Variants in TMEM65 observed in about 807,000 individuals in gnomAD.
TMEM65 encodes the protein transmembrane protein 65.
In TMEM65, 22 loss-of-function variants were observed where a neutral mutation model predicts 25.4. The observed-to-expected ratio is 0.86, with a 90% CI of 0.62 to 1.23. The LOEUF is 1.23. Ranked by LOEUF, TMEM65 falls within the 50% of genes most tolerant of loss-of-function variation. The pLI is 0.00. For synonymous variants in TMEM65, 132 were observed against 126.2 expected, an observed-to-expected ratio of 1.05 and a Z score of -0.31; for missense variants, 262 against 308.2, an observed-to-expected ratio of 0.85 and a Z score of 1.12.
At chr8:124,334,589 C>T (rs1019695337) in intron 1 of TMEM65, among the ~76,000 whole-genome samples, 3 of 151,112 alleles carry the variant, frequency 2.0e-5, no homozygotes, top group African/African-American at 7.3e-5. Context: ...CATGGTGAAA[C>T]CCCATCTGTA....
chr8:124,322,556 G>A (rs968303236), intron 4 of TMEM65, among the ~76,000 whole-genome samples: 1 of 151,904 alleles, frequency 6.6e-6, no homozygotes, highest in Non-Finnish European at 1.5e-5. Context: ...ATACAACATA[G>A]AACTCTTCCC....
intron 6 of TMEM65, among the ~76,000 whole-genome samples, chr8:124,315,482 C>T (rs910590012): frequency 4.0e-5 from 6 of 151,858 alleles, no homozygotes; most frequent in Non-Finnish European, 7.4e-5. Flanking sequence ...CCACCACGCC[C>T]GGCTAATTTT....
At chr8:124,343,745 T>G (rs1159462423) in intron 1 of TMEM65, among the ~76,000 whole-genome samples, 2 of 152,184 alleles carry the variant, frequency 1.3e-5, no homozygotes, top group Non-Finnish European at 2.9e-5. Context: ...CTATGAAACC[T>G]GTGCCTCTTT....
intron 1 of TMEM65, among the ~76,000 whole-genome samples, chr8:124,336,538 T>C (rs556881663): frequency 1.1e-4 from 16 of 152,054 alleles, no homozygotes; most frequent in African/African-American, 2.9e-4. Context: ...ATAAGATATA[T>C]GACAAAACAA....
At position 124,372,255 on chromosome 8, in the gene TMEM65, G is replaced by A; in HGVS notation, c.-98C>T. ...GCTGGGCTCAGCTCGACCCCGCCCC[G>A]AGGTCCTCCTGCCAGGCAGCCGAGG... On this transcript the variant is annotated 5_prime_UTR_variant, in exon 1 of 7. Coordinates refer to ENST00000297632, the MANE Select transcript of TMEM65 (RefSeq NM_194291.3). 8.9e-7 allele frequency: 1 copy of A among 1,120,252 alleles called. No individual in the cohort carries two copies. Among genetic ancestry groups the A allele is most frequent in the Non-Finnish European group, 1.1e-6 (1 of 904,918 alleles). 69.4% of individuals were successfully genotyped at this position (1,120,252 alleles called of 1,614,324 possible).
intron 1 of TMEM65, among the ~76,000 whole-genome samples, chr8:124,333,475 G>A (rs1159718332): frequency 7.7e-6 from 1 of 130,544 alleles, no homozygotes; most frequent in South Asian, 2.4e-4. Flanking sequence ...GTGTGCGTGT[G>A]TGTGTGTGTG....
chr8:124,347,390 T>C (rs1814651830), intron 1 of TMEM65, among the ~76,000 whole-genome samples: 1 of 152,204 alleles, frequency 6.6e-6, no homozygotes, highest in Non-Finnish European at 1.5e-5. Context: ...TTTCTACTTA[T>C]ATCTTATAAA....
rs745467569 is a variant in TMEM65 at position 124,306,482 on chromosome 8, A to G, written c.*7478T>C. 1.3e-5 allele frequency: 2 copies of G among 152,274 alleles called. No homozygotes were observed. Among genetic ancestry groups the G allele is most frequent in the African/African-American group, 2.4e-5 (1 of 41,450 alleles). 9.4% of individuals were successfully genotyped at this position (152,274 alleles called of 1,614,324 possible). A position where few individuals can be genotyped will look rare whatever the true frequency, so the allele number is the denominator to read the frequency against. On this transcript the variant is annotated 3_prime_UTR_variant, in exon 7 of 7. Coordinates refer to ENST00000297632, the MANE Select transcript of TMEM65 (RefSeq NM_194291.3). ...CGCTTATATGCATATTTTGATAAAT[A>G]TATTGAAAATTTTTTTGGAAATTTG...
chr8:124,350,828 ATAAT>A (rs1179374557), intron 1 of TMEM65, among the ~76,000 whole-genome samples: 1 of 151,794 alleles, frequency 6.6e-6, no homozygotes, highest in African/African-American at 2.4e-5. Flanking sequence ...CTATTTAAAT[ATAAT>A]TAAATATAAA....
intron 2 of TMEM65, among the ~76,000 whole-genome samples, chr8:124,329,946 A>G (rs190486281): frequency 1.2e-3 from 183 of 152,068 alleles, no homozygotes; most frequent in Admixed American, 2.7e-3. Flanking sequence ...GAAAGTTACT[A>G]ATCTCTAATA....
At chr8:124,344,172 T>A (rs1222881479) in intron 1 of TMEM65, among the ~76,000 whole-genome samples, 1 of 152,190 alleles carries the variant, frequency 6.6e-6, no homozygotes, top group Non-Finnish European at 1.5e-5. Flanking sequence ...ACTCCATGTA[T>A]CAATAAGTGG....
At chr8:124,366,406 T>C (rs1338715225) in intron 1 of TMEM65, among the ~76,000 whole-genome samples, 2 of 152,124 alleles carry the variant, frequency 1.3e-5, no homozygotes, top group Non-Finnish European at 2.9e-5. Flanking sequence ...TCCACCAAAG[T>C]ACCAGACACA....
intron 1 of TMEM65, among the ~76,000 whole-genome samples, chr8:124,332,713 C>G (rs1036643446): frequency 2.0e-5 from 3 of 151,994 alleles, no homozygotes; most frequent in African/African-American, 7.3e-5. Context: ...TCCTGCTTCA[C>G]AAAGAACCTA....
chr8:124,320,554 T>C (rs945413447), intron 5 of TMEM65, among the ~76,000 whole-genome samples: 1 of 152,192 alleles, frequency 6.6e-6, no homozygotes, highest in African/African-American at 2.4e-5. Context: ...TTAGAATTTC[T>C]GCAATTATTC....
At chr8:124,333,250 T>A (rs1382829055) in intron 1 of TMEM65, among the ~76,000 whole-genome samples, 1 of 151,864 alleles carries the variant, frequency 6.6e-6, no homozygotes, top group Non-Finnish European at 1.5e-5. Context: ...CTGTATGGGT[T>A]TTAAAATGTA....
intron 1 of TMEM65, among the ~76,000 whole-genome samples, chr8:124,339,188 T>C (rs1331331675): frequency 6.0e-4 from 19 of 31,406 alleles, no homozygotes; most frequent in African/African-American, 3.2e-3. Flanking sequence ...CAAGACTCTG[T>C]CTCAAAAAAA....
chr8:124,330,440 C>A (rs1245914512), intron 2 of TMEM65, among the ~76,000 whole-genome samples: 2 of 151,856 alleles, frequency 1.3e-5, no homozygotes, highest in African/African-American at 4.8e-5. Context: ...AACTTAAATT[C>A]AAACTAAAGT....
intron 5 of TMEM65, among the ~76,000 whole-genome samples, chr8:124,320,817 G>A (rs1269439885): frequency 1.3e-5 from 2 of 152,112 alleles, no homozygotes; most frequent in Non-Finnish European, 2.9e-5. Context: ...CCTGATATCA[G>A]ATACGTTAAA....
At position 124,308,510 on chromosome 8, in the gene TMEM65, T is replaced by A. The variant is rs1472071639; in HGVS notation, c.*5450A>T. 1.3e-5 allele frequency: 2 copies of A among 152,168 alleles called. No homozygotes were observed. The highest frequency in any genetic ancestry group is 2.9e-5 in the Non-Finnish European group (2 of 68,032). The allele number at this position is 152,168 out of a possible 1,614,324, so 9.4% of individuals were successfully genotyped here. On this transcript the variant is annotated 3_prime_UTR_variant, in exon 7 of 7. Transcript: ENST00000297632. ...TCCTGCTGAGGAAAACAACCAGATG[T>A]TGTGTGTGACTTCGCAGAATTTACA...
Sources: allele counts gnomAD v4.1 joint callset (sites outside exome capture counted in the v4.1 genomes callset), GRCh38; gene constraint gnomAD v4.1.1; transcripts MANE v1.5; gene names NCBI Gene and HGNC (gene_info 2026-07-23, HGNC 2026-07-21).